The following BICDL1 variants were observed in gnomAD, a reference collection of about 807,000 sequenced individuals.
BICDL1 encodes BICD family-like cargo adapter 1.
Under a neutral mutation model 76.8 loss-of-function variants are expected in BICDL1, and 20 were observed. The observed-to-expected ratio is 0.26, with a 90% CI of 0.18 to 0.38. The LOEUF (loss-of-function observed/expected upper bound fraction) is 0.38. Among genes scored for constraint, BICDL1 ranks in the 10% least tolerant of loss-of-function variants. The probability of loss-of-function intolerance (pLI) is 1.00; values close to 1 mark genes in which losing one functional copy is unlikely to be tolerated. For synonymous variants in BICDL1, 383 were observed against 337.1 expected, an observed-to-expected ratio of 1.14 and a Z score of -1.49; for missense variants, 700 against 798.6, an observed-to-expected ratio of 0.88 and a Z score of 1.49.
At chr12:120,066,746 G>C (rs1372291717) in intron 4 of BICDL1, among the ~76,000 whole-genome samples, 1 of 152,144 alleles carries the variant, frequency 6.6e-6, no homozygotes, top group East Asian at 1.9e-4. Flanking sequence ...AAACTCTCCA[G>C]TTGCCACTAA....
At chr12:119,996,720 C>T (rs1951655296) in intron 1 of BICDL1, among the ~76,000 whole-genome samples, 1 of 152,068 alleles carries the variant, frequency 6.6e-6, no homozygotes, top group Non-Finnish European at 1.5e-5. Flanking sequence ...ATGCCTTAGA[C>T]TTCAGTCTAT....
intron 2 of BICDL1, among the ~76,000 whole-genome samples, chr12:120,050,226 C>T (rs1415518876): frequency 6.6e-6 from 1 of 151,638 alleles, no homozygotes; most frequent in South Asian, 2.1e-4. Flanking sequence ...AACATTTTCT[C>T]CCAGTCTGAG....
chr12:120,047,196 A>C (rs1385187864), intron 2 of BICDL1, among the ~76,000 whole-genome samples: 1 of 152,190 alleles, frequency 6.6e-6, no homozygotes, highest in Non-Finnish European at 1.5e-5. Context: ...TTCTATAAAC[A>C]GTATGACCAG....
chr12:119,996,401 A>G (rs1380374830), intron 1 of BICDL1, among the ~76,000 whole-genome samples: 1 of 152,164 alleles, frequency 6.6e-6, no homozygotes, highest in Non-Finnish European at 1.5e-5. Flanking sequence ...GGCTAATCTC[A>G]TTTTTTAGAC....
At chr12:120,083,834 G>GT (rs989061177) in intron 8 of BICDL1, among the ~76,000 whole-genome samples, 5 of 151,344 alleles carry the variant, frequency 3.3e-5, no homozygotes, top group African/African-American at 1.2e-4. Flanking sequence ...TTTTCTGTTA[G>GT]TAGAGACGGG....
In BICDL1 at chr12:120,055,991, C is replaced by CA. The variant is rs779359561; in HGVS notation, c.646-5711dup. On this transcript the variant is annotated intron_variant, in intron 2 of 9. Coordinates refer to ENST00000548673, the MANE Select transcript of BICDL1 (RefSeq NM_001367886.1). ...TTTTTTGGAGCAATGTTCATAATAG[C>CA]AAAAAAAATTGGAACACTCGAAATG... 1.3e-4 allele frequency among the ~76,000 whole-genome samples: 19 copies of CA among 151,508 alleles called. No homozygotes were observed. The East Asian group carries it at 2.3e-3, about 19-fold the overall frequency.
At chr12:120,013,452 G>C (rs1260827450) in intron 2 of BICDL1, among the ~76,000 whole-genome samples, 1 of 149,956 alleles carries the variant, frequency 6.7e-6, no homozygotes, top group Non-Finnish European at 1.5e-5. Context: ...GTGTGTGTGT[G>C]TGTGTGTGTG....
intron 2 of BICDL1, among the ~76,000 whole-genome samples, chr12:120,001,761 A>G (rs943752358): frequency 1.3e-5 from 2 of 151,702 alleles, no homozygotes; most frequent in African/African-American, 4.8e-5. Context: ...AAAAGGGTAC[A>G]ATTTGGGGCT....
At chr12:119,992,130 T>G (rs907847053) in intron 1 of BICDL1, among the ~76,000 whole-genome samples, 9 of 151,832 alleles carry the variant, frequency 5.9e-5, no homozygotes, top group Non-Finnish European at 1.2e-4. Context: ...ATGAGGGGAG[T>G]CAGTTATATT....
intron 9 of BICDL1, chr12:120,091,253 G>A (rs1233931139): frequency 6.0e-5 from 68 of 1,139,344 alleles, no homozygotes; most frequent in Non-Finnish European, 7.1e-5. Context: ...ATAGATGGCT[G>A]TTCCATCCAC....
intron 2 of BICDL1, among the ~76,000 whole-genome samples, chr12:120,017,537 G>A (rs1008554809): frequency 2.6e-5 from 4 of 152,128 alleles, no homozygotes; most frequent in Non-Finnish European, 5.9e-5. Flanking sequence ...TGAGAACAGC[G>A]TGGGCAACAT....
At chr12:120,044,122 G>A (rs1326361346) in intron 2 of BICDL1, among the ~76,000 whole-genome samples, 1 of 152,184 alleles carries the variant, frequency 6.6e-6, no homozygotes, top group East Asian at 1.9e-4. Context: ...GGCATGTTCA[G>A]GGAAGAAAAA....
chr12:120,005,077 G>A (rs1026702795), intron 2 of BICDL1, among the ~76,000 whole-genome samples: 5 of 152,134 alleles, frequency 3.3e-5, no homozygotes, highest in African/African-American at 1.2e-4. Context: ...GCCCACCTCG[G>A]CCTCGAAAAG....
chr12:120,043,831 C>T (rs1298169843), intron 2 of BICDL1, among the ~76,000 whole-genome samples: 1 of 152,156 alleles, frequency 6.6e-6, no homozygotes, highest in Non-Finnish European at 1.5e-5. Flanking sequence ...CTGCCATGTG[C>T]CATGTACTTT....
At chr12:120,065,449 G>T (rs1420592880) in intron 4 of BICDL1, among the ~76,000 whole-genome samples, 1 of 152,078 alleles carries the variant, frequency 6.6e-6, no homozygotes, top group African/African-American at 2.4e-5. Flanking sequence ...GGCCATATTT[G>T]TTCTTATTTG....
chr12:120,089,095 T>C (rs1874709551), intron 8 of BICDL1, among the ~76,000 whole-genome samples: 1 of 152,236 alleles, frequency 6.6e-6, no homozygotes, highest in African/African-American at 2.4e-5. Context: ...TCAGGACAGT[T>C]CCCCTAAGGG....
At chr12:120,016,620 A>G (rs377305107) in intron 2 of BICDL1, among the ~76,000 whole-genome samples, 4 of 151,624 alleles carry the variant, frequency 2.6e-5, no homozygotes, top group South Asian at 2.1e-4. Context: ...CAGTTTTGCC[A>G]TGTTGCCCAG....
intron 7 of BICDL1, among the ~76,000 whole-genome samples, chr12:120,075,587 G>C (rs1873479886): frequency 6.6e-6 from 1 of 152,062 alleles, no homozygotes. Context: ...GGTTCGCCAT[G>C]TTGCCTAGGC....
At chr12:120,078,072 C>G (rs1873701824) in intron 7 of BICDL1, among the ~76,000 whole-genome samples, 1 of 152,196 alleles carries the variant, frequency 6.6e-6, no homozygotes, top group South Asian at 2.1e-4. Context: ...CCAGCTTTCT[C>G]TGTGCCCAGA....
Sources: allele counts gnomAD v4.1 joint callset (sites outside exome capture counted in the v4.1 genomes callset), GRCh38; gene constraint gnomAD v4.1.1; transcripts MANE v1.5; gene names NCBI Gene and HGNC (gene_info 2026-07-23, HGNC 2026-07-21).